HTR4: variants seen among roughly 807,000 people sequenced by gnomAD.
HTR4 encodes 5-hydroxytryptamine receptor 4.
A neutral mutation model predicts 36.8 loss-of-function variants in HTR4; 16 were observed. That is an observed-to-expected ratio of 0.43 (90% confidence interval 0.29 to 0.66). The LOEUF (loss-of-function observed/expected upper bound fraction) is 0.66. Among genes scored for constraint, HTR4 ranks in the 30% least tolerant of loss-of-function variants. The pLI, the probability that HTR4 is intolerant of heterozygous loss-of-function variation, is 0.13. For missense variants in HTR4, 438 were observed against 490.9 expected (o/e 0.89, Z 1.02); for synonymous variants, 189 against 185.1 (o/e 1.02, Z -0.17).
intron 2 of HTR4, among the ~76,000 whole-genome samples, chr5:148,565,953 C>T (rs1760418733): frequency 6.6e-6 from 1 of 152,104 alleles, no homozygotes; most frequent in Non-Finnish European, 1.5e-5. Flanking sequence ...AATGCATATC[C>T]AGATGATGCT....
chr5:148,472,173 G>A (rs1371406158), downstream of HTR4, among the ~76,000 whole-genome samples: 3 of 152,286 alleles, frequency 2.0e-5, no homozygotes, highest in East Asian at 3.9e-4. Flanking sequence ...TGGCAATACA[G>A]AGTCTCTTCC....
chr5:148,608,954 T>C (rs1377759363), intron 2 of HTR4, among the ~76,000 whole-genome samples: 1 of 152,236 alleles, frequency 6.6e-6, no homozygotes, highest in Non-Finnish European at 1.5e-5. Flanking sequence ...ATGCTACATA[T>C]TCTATCAGGA....
rs149696475 is a variant in HTR4 at position 148,608,027 on chromosome 5, C to A, written c.26+28962G>T. 5.9e-5 allele frequency among the ~76,000 whole-genome samples: 9 copies of A among 152,254 alleles called. No homozygotes were observed. In the East Asian group the frequency reaches 1.7e-3, roughly 29 times the overall value. On this transcript the variant is annotated intron_variant, in intron 2 of 6. Coordinates refer to ENST00000377888, the MANE Select transcript of HTR4 (RefSeq NM_000870.7). ...AATGGTGCAGGAGCTTAGAACCTTG[C>A]TCTGGACTATCTAACTGCAACTGTA... is the stretch of plus-strand genomic sequence containing the variant.
chr5:148,622,354 C>A (rs1036335225), intron 2 of HTR4, among the ~76,000 whole-genome samples: 3 of 152,180 alleles, frequency 2.0e-5, no homozygotes, highest in African/African-American at 7.2e-5. Context: ...CTGTAACCAG[C>A]CCTATCCTGA....
chr5:148,533,728 A>G (rs1758682824), intron 4 of HTR4, among the ~76,000 whole-genome samples: 1 of 152,216 alleles, frequency 6.6e-6, no homozygotes, highest in African/African-American at 2.4e-5. Flanking sequence ...AGAATCAGTT[A>G]CTAACCTCAA....
At chr5:148,544,399 G>T (rs965763025) in intron 4 of HTR4, among the ~76,000 whole-genome samples, 3 of 151,170 alleles carry the variant, frequency 2.0e-5, no homozygotes, top group South Asian at 4.2e-4. Flanking sequence ...TACAAAAATG[G>T]AACTATGCTA....
At chr5:148,642,011 T>G (rs1006059391) in intron 1 of HTR4, among the ~76,000 whole-genome samples, 2 of 152,188 alleles carry the variant, frequency 1.3e-5, no homozygotes, top group East Asian at 3.9e-4. Flanking sequence ...CTCGGCTTGC[T>G]TTGCTCCACT....
At chr5:148,559,358 C>T (rs993601633) in intron 2 of HTR4, among the ~76,000 whole-genome samples, 1 of 152,140 alleles carries the variant, frequency 6.6e-6, no homozygotes, top group Non-Finnish European at 1.5e-5. Context: ...TGAACAAAAT[C>T]TGAGTTTAAC....
intron 2 of HTR4, among the ~76,000 whole-genome samples, chr5:148,589,303 C>A (rs1054400221): frequency 1.3e-5 from 2 of 152,174 alleles, no homozygotes; most frequent in Admixed American, 6.5e-5. Context: ...CCGAATTGCT[C>A]TTCAAAATAA....
chr5:148,465,920 C>A (rs1243717135), intron 5 of HTR4: 2 of 1,612,576 alleles, frequency 1.2e-6, no homozygotes, highest in Non-Finnish European at 1.7e-6. Context: ...GACAGGGGAA[C>A]AGCCACTTTT....
chr5:148,643,626 T>C (rs1176282951), intron 1 of HTR4, among the ~76,000 whole-genome samples: 1 of 152,204 alleles, frequency 6.6e-6, no homozygotes, highest in East Asian at 1.9e-4. Context: ...AGAGATATAG[T>C]ACATGATCAG....
At chr5:148,497,907 C>T (rs113518242) in intron 6 of HTR4, among the ~76,000 whole-genome samples, 1 of 152,172 alleles carries the variant, frequency 6.6e-6, no homozygotes, top group Non-Finnish European at 1.5e-5. Flanking sequence ...ACTATGTAAC[C>T]TATATGTCTA....
chr5:148,609,581 G>GT (rs5872086), intron 2 of HTR4, among the ~76,000 whole-genome samples: 41,346 of 143,250 alleles, frequency 0.29, 6,536 homozygotes, highest in Non-Finnish European at 0.37. Flanking sequence ...ATTTTTAAGG[G>GT]TTTTTTTTTT....
At chr5:148,452,242 A>G (rs1053097199) in intron 5 of HTR4, among the ~76,000 whole-genome samples, 2 of 152,196 alleles carry the variant, frequency 1.3e-5, no homozygotes, top group Non-Finnish European at 2.9e-5. Context: ...TTTTCATTTT[A>G]CATGTGAGCA....
chr5:148,642,942 GGT>G (rs1400627838), intron 1 of HTR4, among the ~76,000 whole-genome samples: 2 of 151,926 alleles, frequency 1.3e-5, no homozygotes, highest in Admixed American at 6.6e-5. Context: ...GCAGTGTACA[GGT>G]GAAAATGTGT....
chr5:148,477,581 G>A (rs1404101296), downstream of HTR4, among the ~76,000 whole-genome samples: 1 of 152,146 alleles, frequency 6.6e-6, no homozygotes, highest in African/African-American at 2.4e-5. Flanking sequence ...TAACTTCTCT[G>A]ACGTACAGCC....
intron 6 of HTR4, 175 bp downstream of exon 6, chr5:148,509,281 A>G: frequency 3.7e-6 from 2 of 543,854 alleles, no homozygotes; most frequent in Non-Finnish European, 6.4e-6. Context: ...CTCCCTCCAG[A>G]GCCTGAGTTC....
chr5:148,515,555 C>T (rs951065184), intron 5 of HTR4, among the ~76,000 whole-genome samples: 1 of 152,034 alleles, frequency 6.6e-6, no homozygotes, highest in East Asian at 1.9e-4. Context: ...TGCCTGAAAA[C>T]GTCTTAATAT....
chr5:148,472,869 G>C (rs1188189039), downstream of HTR4, among the ~76,000 whole-genome samples: 2 of 152,170 alleles, frequency 1.3e-5, no homozygotes, highest in African/African-American at 2.4e-5. Context: ...ACTACATAAA[G>C]TTTTTGAGTA....
Sources: gnomAD v4.1 joint callset for allele counts (sites outside exome capture counted in the v4.1 genomes callset) on GRCh38, gnomAD v4.1.1 for gene constraint, MANE v1.5 for transcripts, NCBI Gene and HGNC (gene_info 2026-07-23, HGNC 2026-07-21) for gene names.